AADACL2: variants seen among roughly 807,000 people sequenced by gnomAD.
AADACL2 encodes arylacetamide deacetylase like 2, also known as arylacetamide deacetylase-like 2.
A neutral mutation model predicts 22.3 loss-of-function variants in AADACL2; 23 were observed. The observed-to-expected ratio is 1.03, with a 90% CI of 0.74 to 1.46. The LOEUF (loss-of-function observed/expected upper bound fraction) is 1.46, where lower values mean the gene tolerates loss of function less well. Among genes scored for constraint, AADACL2 ranks in the 40% most tolerant of loss-of-function variants. AADACL2 has a pLI of 0.00. For synonymous variants in AADACL2, 177 were observed against 166.2 expected (o/e 1.07, Z -0.50); for missense variants, 472 against 482.9 (o/e 0.98, Z 0.21).
intron 3 of AADACL2, 57 bp downstream of exon 3, chr3:151,744,219 G>T: frequency 6.6e-7 from 1 of 1,506,752 alleles, no homozygotes; most frequent in South Asian, 1.2e-5. Context: ...GTAGAGGTTT[G>T]ATTTCCACAT....
intron 1 of AADACL2, among the ~76,000 whole-genome samples, chr3:151,739,675 A>T (rs1222657814): frequency 6.6e-6 from 1 of 152,114 alleles, no homozygotes; most frequent in Non-Finnish European, 1.5e-5. Flanking sequence ...TAAGCCTCTG[A>T]CTAGGGCTGC....
chr3:151,736,390 G>T (rs545460415), intron 1 of AADACL2, among the ~76,000 whole-genome samples: 40 of 151,466 alleles, frequency 2.6e-4, no homozygotes, highest in African/African-American at 9.7e-4. Context: ...ATGTGCCATG[G>T]TGGTTTGCTG....
chr3:151,745,381 G>A, intron 3 of AADACL2, 128 bp from the exon 4 acceptor site: 3 of 890,714 alleles, frequency 3.4e-6, no homozygotes, highest in South Asian at 1.7e-5. Flanking sequence ...TCAAGAGTTA[G>A]TAGAAAACTT....
intron 4 of AADACL2, chr3:151,751,434 T>C (rs1331866246): frequency 6.6e-6 from 1 of 152,130 alleles, no homozygotes; most frequent in East Asian, 1.9e-4. Flanking sequence ...GCTTGATGTA[T>C]TGGCTCACCT....
chr3:151,749,021 T>C (rs538864657), intron 4 of AADACL2, among the ~76,000 whole-genome samples: 3 of 150,870 alleles, frequency 2.0e-5, no homozygotes, highest in African/African-American at 7.5e-5. Flanking sequence ...TTATATTGAC[T>C]ATTCAGTCTT....
At chr3:151,738,498 T>G (rs1576610708) in intron 1 of AADACL2, among the ~76,000 whole-genome samples, 1 of 152,214 alleles carries the variant, frequency 6.6e-6, no homozygotes, top group Non-Finnish European at 1.5e-5. Context: ...AAGGAGTATC[T>G]TAGTGGTGTT....
At chr3:151,756,726 CTCTT>C (rs112175227) in intron 4 of AADACL2, among the ~76,000 whole-genome samples, 43,674 of 151,208 alleles carry the variant, frequency 0.29, 6,373 homozygotes, top group African/African-American at 0.33. Context: ...CTTGTACATT[CTCTT>C]TCTGTCTCTT....
At position 151,759,134 on chromosome 3, in the gene AADACL2, T is replaced by G. The variant is rs1029696559; in HGVS notation, c.*1540T>G. 2 of 152,162 alleles carry G rather than the reference T, an allele frequency of 1.3e-5. No individual in the cohort carries two copies. Among genetic ancestry groups the G allele is most frequent in the Admixed American group, 6.6e-5 (1 of 15,246 alleles). 9.4% of individuals were successfully genotyped at this position (152,162 alleles called of 1,614,324 possible). A position where few individuals can be genotyped will look rare whatever the true frequency, so the allele number is the denominator to read the frequency against. ...TTTCCTCTGAGAAATAAAATCTAAA[T>G]GGAGATTTGATACTATATGCTATAC... On this transcript the variant is annotated 3_prime_UTR_variant, in exon 5 of 5. Transcript: ENST00000356517.
At chr3:151,740,230 C>T (rs912645176) in intron 1 of AADACL2, among the ~76,000 whole-genome samples, 8 of 152,196 alleles carry the variant, frequency 5.3e-5, no homozygotes, top group African/African-American at 1.4e-4. Flanking sequence ...CAACGGCTTC[C>T]CTTGGGTGGG....
At chr3:151,744,977 C>A (rs1436580809) in intron 3 of AADACL2, among the ~76,000 whole-genome samples, 3 of 151,962 alleles carry the variant, frequency 2.0e-5, no homozygotes, top group Admixed American at 2.0e-4. Flanking sequence ...AGCTCTCTGG[C>A]ATATTTAAAT....
rs185951067 is a variant in AADACL2 at position 151,735,431 on chromosome 3, C to T, written c.138+1258C>T. Among the ~76,000 whole-genome samples the T allele has an allele frequency of 1.6e-3, 239 of 150,694 alleles. 1 individual carries two copies. Among genetic ancestry groups the T allele is most frequent in the African/African-American group, 5.6e-3 (225 of 40,270 alleles). On this transcript the variant is annotated intron_variant, in intron 1 of 4. Transcript: ENST00000356517. ...CAGACTTGGCTTTGACATTTACTGG[C>T]TACAACTTAGAGTTTCTGCATACTT...
chr3:151,746,921 T>C (rs529082077), intron 4 of AADACL2, among the ~76,000 whole-genome samples: 2 of 152,038 alleles, frequency 1.3e-5, no homozygotes, highest in African/African-American at 2.4e-5. Flanking sequence ...TTTTTTTCTT[T>C]GAGATGGAGT....
At chr3:151,744,243 C>T in intron 3 of AADACL2, 81 bp downstream of exon 3, 1 of 1,286,376 alleles carries the variant, frequency 7.8e-7, no homozygotes, top group Non-Finnish European at 1.1e-6. Flanking sequence ...GTCAGCTATG[C>T]TTCAAATATA....
intron 2 of AADACL2, 45 bp from the exon 3 acceptor site, chr3:151,744,048 T>C (rs1713360633): frequency 1.3e-6 from 2 of 1,583,814 alleles, no homozygotes; most frequent in African/African-American, 2.7e-5. Flanking sequence ...TTTCTATAGC[T>C]TTTTAATTAC....
At chr3:151,745,091 G>C (rs1165571395) in intron 3 of AADACL2, among the ~76,000 whole-genome samples, 1 of 152,086 alleles carries the variant, frequency 6.6e-6, no homozygotes, top group African/African-American at 2.4e-5. Context: ...AAATGTCCTT[G>C]ATAAAATAGG....
chr3:151,757,764 C>T lies in AADACL2; in HGVS notation c.*170C>T. ...TATTAAATTTTCTGACTTGCAGACC[C>T]TGAATATGTAAAATGTATGTAATCC... On this transcript the variant is annotated 3_prime_UTR_variant, in exon 5 of 5. Transcript: ENST00000356517. 1.5e-6 allele frequency: 1 copy of T among 671,760 alleles called. No homozygotes were observed. The highest frequency in any genetic ancestry group is 2.8e-5 in the South Asian group (1 of 36,050). The allele number at this position is 671,760 out of a possible 1,614,324, so 41.6% of individuals were successfully genotyped here. A position where few individuals can be genotyped will look rare whatever the true frequency, so the allele number is the denominator to read the frequency against.
chr3:151,746,237 CA>C (rs1281364016), intron 4 of AADACL2, among the ~76,000 whole-genome samples: 1 of 151,812 alleles, frequency 6.6e-6, no homozygotes, highest in Non-Finnish European at 1.5e-5. Context: ...TTATTTGGAA[CA>C]TATTGGAATT....
At chr3:151,740,961 T>G in intron 2 of AADACL2, 93 bp downstream of exon 2, 2 of 954,574 alleles carry the variant, frequency 2.1e-6, no homozygotes, top group Non-Finnish European at 3.1e-6. Flanking sequence ...TACTGATACA[T>G]ACATCTATAT....
chr3:151,748,462 G>A (rs1053909773), intron 4 of AADACL2, among the ~76,000 whole-genome samples: 1 of 152,156 alleles, frequency 6.6e-6, no homozygotes, highest in Non-Finnish European at 1.5e-5. Flanking sequence ...AGCTCATGTT[G>A]AAATTTGATC....
Sources: gnomAD v4.1 joint callset for allele counts (sites outside exome capture counted in the v4.1 genomes callset) on GRCh38, gnomAD v4.1.1 for gene constraint, MANE v1.5 for transcripts, NCBI Gene and HGNC (gene_info 2026-07-23, HGNC 2026-07-21) for gene names.